The following PITPNC1 variants were observed in gnomAD, a reference collection of about 807,000 sequenced individuals.
PITPNC1 encodes the protein phosphatidylinositol transfer protein cytoplasmic 1.
In PITPNC1, 18 loss-of-function variants were observed where a neutral mutation model predicts 44.7. The observed-to-expected ratio is 0.40, with a 90% confidence interval of 0.28 to 0.60. The LOEUF (loss-of-function observed/expected upper bound fraction) is 0.60, where lower values mean the gene tolerates loss of function less well. PITPNC1 is among the 20% of genes least tolerant of loss of function. The pLI is 0.39. For missense variants in PITPNC1, 290 were observed against 418.4 expected, an observed-to-expected ratio of 0.69 and a Z score of 2.68; for synonymous variants, 141 against 149.6, an observed-to-expected ratio of 0.94 and a Z score of 0.42.
chr17:67,548,081 T>G (rs1284647540), intron 2 of PITPNC1, among the ~76,000 whole-genome samples: 1 of 152,104 alleles, frequency 6.6e-6, no homozygotes, highest in Non-Finnish European at 1.5e-5. Context: ...ACCGAAAATG[T>G]CCAGACATTG....
In PITPNC1 at chr17:67,378,119, C is replaced by T; in HGVS notation, c.-36C>T. 1 of 1,495,790 alleles carries T rather than the reference C, an allele frequency of 6.7e-7. No homozygotes were observed. Among genetic ancestry groups the T allele is most frequent in the Non-Finnish European group, 9.0e-7 (1 of 1,114,460 alleles). The allele number at this position is 1,495,790 out of a possible 1,614,324, so 92.7% of individuals were successfully genotyped here. ...CCTTGCTGGTCTTGGGGGCGCCCCC[C>T]GCTTCCCGCCCCGGGGGTCCGCGGC... On this transcript the variant is annotated 5_prime_UTR_variant, in exon 1 of 9. Transcript: ENST00000581322.
intron 6 of PITPNC1, among the ~76,000 whole-genome samples, chr17:67,643,231 C>T (rs1008718364): frequency 3.9e-5 from 6 of 152,082 alleles, no homozygotes; most frequent in South Asian, 4.1e-4. Context: ...ACTAAAAATA[C>T]GAAAATTAGC....
intron 1 of PITPNC1, among the ~76,000 whole-genome samples, chr17:67,387,084 A>G (rs894351655): frequency 3.3e-5 from 5 of 152,218 alleles, no homozygotes; most frequent in African/African-American, 9.6e-5. Context: ...TTTTTGTACT[A>G]TGCAACCTCT....
intron 5 of PITPNC1, among the ~76,000 whole-genome samples, chr17:67,599,034 ATTTTTTTTTT>A (rs1160152426): frequency 5.6e-5 from 2 of 35,688 alleles, no homozygotes; most frequent in African/African-American, 2.3e-4. Context: ...ATATATATAT[ATTTTTTTTTT>A]TTTTTTTTTT....
At chr17:67,687,113 C>G (rs2042830439) in intron 8 of PITPNC1, 1 of 1,612,472 alleles carries the variant, frequency 6.2e-7, no homozygotes, top group Non-Finnish European at 8.5e-7. Flanking sequence ...CATGCATGAA[C>G]AAACCAACAT....
intron 1 of PITPNC1, among the ~76,000 whole-genome samples, chr17:67,495,055 T>G (rs1303878308): frequency 3.5e-5 from 3 of 85,414 alleles, no homozygotes; most frequent in South Asian, 4.8e-4. Flanking sequence ...TTTTTTTGTT[T>G]TTTTTTTTTT....
intron 1 of PITPNC1, among the ~76,000 whole-genome samples, chr17:67,451,437 G>C (rs1337701425): frequency 2.0e-5 from 3 of 152,102 alleles, no homozygotes; most frequent in Admixed American, 6.6e-5. Flanking sequence ...CCATACATCT[G>C]TGCAGCCATC....
chr17:67,567,422 T>C (rs1362992800), intron 4 of PITPNC1, among the ~76,000 whole-genome samples: 1 of 151,610 alleles, frequency 6.6e-6, no homozygotes, highest in Non-Finnish European at 1.5e-5. Flanking sequence ...AGGCAGAGCG[T>C]GCAGTGAGCC....
intron 8 of PITPNC1, among the ~76,000 whole-genome samples, chr17:67,690,603 C>G (rs2042907642): frequency 6.6e-6 from 1 of 152,084 alleles, no homozygotes. Context: ...AAGTACATGG[C>G]AGTGGACAAG....
intron 8 of PITPNC1, among the ~76,000 whole-genome samples, chr17:67,679,292 G>A (rs1418965763): frequency 6.6e-6 from 1 of 152,186 alleles, no homozygotes; most frequent in African/African-American, 2.4e-5. Context: ...AATGATTGCA[G>A]GAACCCAAAT....
intron 5 of PITPNC1, among the ~76,000 whole-genome samples, chr17:67,587,549 A>T (rs1038190040): frequency 6.6e-6 from 1 of 152,096 alleles, no homozygotes; most frequent in Non-Finnish European, 1.5e-5. Context: ...TCAGAGAGGG[A>T]TGTGGGTCAT....
intron 2 of PITPNC1, among the ~76,000 whole-genome samples, chr17:67,542,285 G>A (rs1315298603): frequency 2.6e-5 from 4 of 152,154 alleles, no homozygotes; most frequent in Non-Finnish European, 2.9e-5. Context: ...GAGATTATGA[G>A]TTAGCAAGAG....
At chr17:67,493,068 AG>A (rs1440193878) in intron 1 of PITPNC1, among the ~76,000 whole-genome samples, 3 of 152,170 alleles carry the variant, frequency 2.0e-5, no homozygotes, top group Admixed American at 2.0e-4. Flanking sequence ...AGCTATTGCC[AG>A]TTTTCCTATT....
At chr17:67,415,084 T>C (rs1219727944) in intron 1 of PITPNC1, among the ~76,000 whole-genome samples, 3 of 152,094 alleles carry the variant, frequency 2.0e-5, no homozygotes, top group Non-Finnish European at 4.4e-5. Context: ...TTCATCATGT[T>C]CACCAGGCTG....
At chr17:67,454,845 G>A (rs1435711420) in intron 1 of PITPNC1, among the ~76,000 whole-genome samples, 3 of 146,540 alleles carry the variant, frequency 2.0e-5, no homozygotes, top group African/African-American at 5.1e-5. Context: ...TTTGAGTCAG[G>A]GTCTCACTGT....
chr17:67,631,400 C>T (rs1598909098), intron 5 of PITPNC1, among the ~76,000 whole-genome samples: 4 of 147,152 alleles, frequency 2.7e-5, no homozygotes, highest in Admixed American at 2.1e-4. Flanking sequence ...GAGGCTGAGG[C>T]GGGCGGATCA....
chr17:67,421,886 C>A (rs1053470010), intron 1 of PITPNC1, among the ~76,000 whole-genome samples: 2 of 152,208 alleles, frequency 1.3e-5, no homozygotes, highest in Non-Finnish European at 2.9e-5. Flanking sequence ...ATGGGACTCA[C>A]CCTCTAACAC....
intron 4 of PITPNC1, among the ~76,000 whole-genome samples, chr17:67,563,748 G>T (rs553226306): frequency 2.0e-5 from 3 of 152,184 alleles, no homozygotes; most frequent in Non-Finnish European, 4.4e-5. Context: ...ATGTATGTGG[G>T]ACAGGAACCA....
intron 1 of PITPNC1, among the ~76,000 whole-genome samples, chr17:67,436,756 G>A (rs2143910311): frequency 6.6e-6 from 1 of 152,098 alleles, no homozygotes; most frequent in South Asian, 2.1e-4. Context: ...GATGGCTGAG[G>A]TAAAGGAGAC....
Sources: gnomAD v4.1 joint callset for allele counts (sites outside exome capture counted in the v4.1 genomes callset) on GRCh38, gnomAD v4.1.1 for gene constraint, MANE v1.5 for transcripts, NCBI Gene and HGNC (gene_info 2026-07-23, HGNC 2026-07-21) for gene names.